The following CCDC91 variants were observed in gnomAD, a reference collection of about 807,000 sequenced individuals.
CCDC91 encodes the protein coiled-coil domain-containing protein 91.
CCDC91 carries 48 observed loss-of-function variants against 63.2 expected under a neutral mutation model. The observed-to-expected ratio is 0.76, with a 90% CI of 0.60 to 0.97. The LOEUF is 0.97. Among genes scored for constraint, CCDC91 ranks in the 50% least tolerant of loss-of-function variants. The pLI is 0.00. For synonymous variants in CCDC91, 167 were observed against 165.8 expected (o/e 1.01, Z -0.06); for missense variants, 500 against 494.6 (o/e 1.01, Z -0.10).
At chr12:28,316,522 T>G (rs1372227651) in intron 6 of CCDC91, among the ~76,000 whole-genome samples, 2 of 149,548 alleles carry the variant, frequency 1.3e-5, no homozygotes, top group African/African-American at 4.9e-5. Flanking sequence ...TTATTTTATT[T>G]ATTTATTTAT....
chr12:28,325,381 A>G (rs1008855739), intron 6 of CCDC91, among the ~76,000 whole-genome samples: 12 of 152,066 alleles, frequency 7.9e-5, no homozygotes, highest in African/African-American at 2.7e-4. Context: ...GATGCCTTCT[A>G]TGTTCCAAGT....
chr12:28,321,059 A>G (rs763169342), intron 6 of CCDC91, among the ~76,000 whole-genome samples: 13 of 151,938 alleles, frequency 8.6e-5, no homozygotes, highest in African/African-American at 1.7e-4. Context: ...CTGTTTAACA[A>G]TGCAGAGAAT....
chr12:28,463,794 CTT>C (rs1206020639), intron 11 of CCDC91, among the ~76,000 whole-genome samples: 3 of 151,994 alleles, frequency 2.0e-5, no homozygotes, highest in Non-Finnish European at 2.9e-5. Flanking sequence ...GAACAAAAAA[CTT>C]TTTTTTGAAG....
chr12:28,230,655 G>T (rs1390457609), intron 1 of CCDC91, among the ~76,000 whole-genome samples: 1 of 152,000 alleles, frequency 6.6e-6, no homozygotes, highest in Non-Finnish European at 1.5e-5. Flanking sequence ...GACAGGGTCT[G>T]GGTCTATCAC....
At chr12:28,541,583 A>T (rs1322770549) in intron 12 of CCDC91, among the ~76,000 whole-genome samples, 3 of 152,126 alleles carry the variant, frequency 2.0e-5, no homozygotes, top group Admixed American at 6.6e-5. Context: ...ATAAAAATAC[A>T]GCAGAAGTTG....
intron 1 of CCDC91, among the ~76,000 whole-genome samples, chr12:28,205,998 G>T (rs1942820613): frequency 6.6e-6 from 1 of 152,184 alleles, no homozygotes; most frequent in Non-Finnish European, 1.5e-5. Context: ...GGAAACAGTA[G>T]AACAGTGAGT....
intron 3 of CCDC91, among the ~76,000 whole-genome samples, chr12:28,279,141 T>A (rs2136532802): frequency 6.6e-6 from 1 of 152,126 alleles, no homozygotes; most frequent in East Asian, 1.9e-4. Flanking sequence ...TTAGGATCAT[T>A]AGTTTTGTGA....
At chr12:28,249,978 G>A (rs1300552006) in intron 1 of CCDC91, among the ~76,000 whole-genome samples, 1 of 152,106 alleles carries the variant, frequency 6.6e-6, no homozygotes, top group African/African-American at 2.4e-5. Context: ...ACTGGCCCCT[G>A]AGAAGTGATT....
At chr12:28,273,989 C>G (rs1432151621) in intron 3 of CCDC91, among the ~76,000 whole-genome samples, 1 of 152,056 alleles carries the variant, frequency 6.6e-6, no homozygotes, top group Admixed American at 6.6e-5. Flanking sequence ...ACATTTAAGT[C>G]TTTAATCCAT....
At chr12:28,412,820 C>T in intron 8 of CCDC91, 1 of 453,392 alleles carries the variant, frequency 2.2e-6, no homozygotes, top group Non-Finnish European at 4.4e-6. Flanking sequence ...GTGCGTTTTA[C>T]AGAGTGCTGA....
At chr12:28,334,801 C>T (rs955870944) in intron 6 of CCDC91, among the ~76,000 whole-genome samples, 2 of 151,978 alleles carry the variant, frequency 1.3e-5, no homozygotes, top group Admixed American at 6.6e-5. Context: ...AGCACTTGGG[C>T]ACCAAACCAA....
At chr12:28,504,742 T>C (rs1938489647) in intron 12 of CCDC91, among the ~76,000 whole-genome samples, 9 of 151,948 alleles carry the variant, frequency 5.9e-5, no homozygotes. Flanking sequence ...TAGGCATGCT[T>C]ATGTCACTTA....
At chr12:28,335,056 TAA>T (rs1941827761) in intron 6 of CCDC91, among the ~76,000 whole-genome samples, 2 of 145,300 alleles carry the variant, frequency 1.4e-5, no homozygotes, top group Admixed American at 1.4e-4. Flanking sequence ...TATAAATATT[TAA>T]AAAGTTAAAC....
intron 8 of CCDC91, among the ~76,000 whole-genome samples, chr12:28,416,383 A>G (rs1035098843): frequency 2.0e-5 from 3 of 151,354 alleles, no homozygotes; most frequent in African/African-American, 2.4e-5. Flanking sequence ...ACTGTTAGAG[A>G]AAAAAAAACT....
At chr12:28,244,494 C>CTTTTTTTTTTTT (rs3064681) in intron 1 of CCDC91, among the ~76,000 whole-genome samples, 1 of 38,406 alleles carries the variant, frequency 2.6e-5, no homozygotes, top group African/African-American at 1.2e-4. Flanking sequence ...TAGAAGAAGG[C>CTTTTTTTTTTTT]TTTTTTTTTT....
rs1335272196 is a variant in CCDC91, at chr12:28,306,552, C to G, written c.268-190C>G. On this transcript the variant is annotated intron_variant, in intron 4 of 12. Transcript: ENST00000536442. Reference sequence around the variant, plus strand: ...TCAAAATTAAGAGGAAATTTTGTTTCTTACAGCAAAGATCGGGTTGTTGTA... The same window carrying G: ...TCAAAATTAAGAGGAAATTTTGTTTGTTACAGCAAAGATCGGGTTGTTGTA... Among the ~76,000 whole-genome samples, 4 of 152,116 alleles carry G rather than the reference C, an allele frequency of 2.6e-5. No homozygotes were observed. In the East Asian group the frequency reaches 7.7e-4, roughly 29 times the overall value.
At chr12:28,423,263 G>A (rs2139946452) in intron 8 of CCDC91, among the ~76,000 whole-genome samples, 1 of 152,248 alleles carries the variant, frequency 6.6e-6, no homozygotes, top group Middle Eastern at 3.4e-3. Context: ...TTTGCAAACT[G>A]TTGATTGTCA....
intron 12 of CCDC91, among the ~76,000 whole-genome samples, chr12:28,497,418 T>C (rs1184339775): frequency 1.3e-5 from 2 of 151,506 alleles, no homozygotes; most frequent in African/African-American, 4.8e-5. Context: ...GTATACAGGT[T>C]TTTTGGTATC....
rs151260674 is a variant in CCDC91, at chr12:28,309,884, C to A, written c.576+2135C>A. On this transcript the variant is annotated intron_variant, in intron 6 of 12. Transcript: ENST00000536442. Reference sequence around the variant, plus strand: ...TTTGTACTTGCTCAGCATCCCCTAGCCCTTTTTATTTTTTTCTTTTCCATA... The same window carrying A: ...TTTGTACTTGCTCAGCATCCCCTAGACCTTTTTATTTTTTTCTTTTCCATA... 3.5e-3 allele frequency among the ~76,000 whole-genome samples: 530 copies of A among 152,030 alleles called. 7 individuals are homozygous for A. The highest frequency in any genetic ancestry group is 0.011 in the African/African-American group (476 of 41,520).
Sources: allele counts gnomAD v4.1 joint callset (sites outside exome capture counted in the v4.1 genomes callset), GRCh38; gene constraint gnomAD v4.1.1; transcripts MANE v1.5; gene names NCBI Gene and HGNC (gene_info 2026-07-23, HGNC 2026-07-21).